The following R3HDM1 variants were observed in gnomAD, a reference collection of about 807,000 sequenced individuals.
The protein encoded by R3HDM1 is R3H domain containing 1, also known as R3H domain-containing protein 1.
R3HDM1 carries 46 observed loss-of-function variants against 141.1 expected under a neutral mutation model. The ratio of observed to expected loss-of-function variants is 0.33; its 90% CI spans 0.26 to 0.42. The LOEUF (loss-of-function observed/expected upper bound fraction) is 0.42. R3HDM1 is among the 10% of genes least tolerant of loss of function. R3HDM1 has a pLI of 1.00. For synonymous variants in R3HDM1, 435 were observed against 472.9 expected (o/e 0.92, Z 1.04); for missense variants, 1,184 against 1,368.3 (o/e 0.87, Z 2.12).
chr2:135,618,511 A>T (rs187268120), intron 5 of R3HDM1, among the ~76,000 whole-genome samples: 86 of 135,684 alleles, frequency 6.3e-4, no homozygotes, highest in African/African-American at 2.3e-3. Flanking sequence ...AGATAGCTGT[A>T]TGCATTTATT....
rs978388205 is a variant in R3HDM1 at position 135,649,855 on chromosome 2, C to T, written c.1624-47C>T. 10 of 1,075,532 alleles carry T rather than the reference C, an allele frequency of 9.3e-6. No individual in the cohort carries two copies. The East Asian group carries it at 2.2e-4, about 24-fold the overall frequency. The allele number at this position is 1,075,532 out of a possible 1,614,324, so 66.6% of individuals were successfully genotyped here. A position where few individuals can be genotyped will look rare whatever the true frequency, so the allele number is the denominator to read the frequency against. On this transcript the variant is annotated intron_variant, in intron 16 of 26. Coordinates refer to ENST00000683871, the MANE Select transcript of R3HDM1 (RefSeq NM_001378107.1). The stretch of plus-strand genomic sequence containing the variant: ...TTTCCGTTTTATGCAATTCTTCTAA[C>T]GTTTTATTCTGACATTAACATTGTT...
At chr2:135,625,924 C>T (rs2061972283) in intron 7 of R3HDM1, among the ~76,000 whole-genome samples, 1 of 152,166 alleles carries the variant, frequency 6.6e-6, no homozygotes, top group South Asian at 2.1e-4. Flanking sequence ...AATAAACCAA[C>T]AAATATGAGT....
intron 21 of R3HDM1, among the ~76,000 whole-genome samples, chr2:135,690,725 G>GTTTA (rs1280961646): frequency 5.9e-5 from 9 of 151,810 alleles, no homozygotes; most frequent in African/African-American, 2.2e-4. Context: ...TTTTTTGTTT[G>GTTTA]TTTGTTTCTT....
At chr2:135,670,157 A>AC (rs1244379057) in intron 19 of R3HDM1, 223 of 322,720 alleles carry the variant, frequency 6.9e-4, no homozygotes, top group African/African-American at 4.7e-3. Context: ...AAAAAAAAAA[A>AC]ACCAACAAAA....
At chr2:135,721,213 G>C (rs1381423800) in intron 24 of R3HDM1, among the ~76,000 whole-genome samples, 3 of 152,198 alleles carry the variant, frequency 2.0e-5, no homozygotes, top group Non-Finnish European at 4.4e-5. Context: ...GCCAAGCATG[G>C]TGGCTTGTAC....
chr2:135,594,976 C>CA (rs1218313458), intron 1 of R3HDM1, among the ~76,000 whole-genome samples: 4 of 136,410 alleles, frequency 2.9e-5, no homozygotes, highest in African/African-American at 1.3e-4. Flanking sequence ...AGGGATTCTA[C>CA]ACCCCCCCCC....
intron 1 of R3HDM1, chr2:135,590,617 G>A (rs1709040280): frequency 2.0e-6 from 2 of 985,296 alleles, no homozygotes; most frequent in Non-Finnish European, 2.4e-6. Context: ...AATTAAATTG[G>A]ACAGGTACTT....
intron 15 of R3HDM1, among the ~76,000 whole-genome samples, chr2:135,642,531 T>A (rs1166040361): frequency 2.6e-5 from 4 of 152,190 alleles, no homozygotes; most frequent in Non-Finnish European, 5.9e-5. Context: ...AAATGATTTA[T>A]ATAGAAAAAA....
In R3HDM1 at chr2:135,710,081, TG is replaced by T; in HGVS notation, c.2592del (p.Met865TrpfsTer2). ...CTAGPPPPPG[G>X]GMVMMQLSVP... ...CAGCTGGACCACCACCGCCACCTGG[TG>T]GGGGGATGGTGATGATGCAGCTCAG... is the stretch of plus-strand genomic sequence containing the variant. On this transcript the variant is annotated frameshift_variant, in exon 23 of 27. Transcript: ENST00000683871. LOFTEE classifies it high-confidence loss of function. 6.2e-7 allele frequency: 1 copy of T among 1,613,760 alleles called. No individual in the cohort carries two copies. Among genetic ancestry groups the T allele is most frequent in the Non-Finnish European group, 8.5e-7 (1 of 1,179,872 alleles).
At chr2:135,577,065 C>T in intron 1 of R3HDM1, 1 of 901,120 alleles carries the variant, frequency 1.1e-6, no homozygotes, top group Non-Finnish European at 1.3e-6. Flanking sequence ...AACCTCCAAA[C>T]AGGTTAAGAA....
At chr2:135,703,623 A>G (rs1045627551) in intron 21 of R3HDM1, among the ~76,000 whole-genome samples, 1 of 152,056 alleles carries the variant, frequency 6.6e-6, no homozygotes, top group East Asian at 1.9e-4. Flanking sequence ...AGTCAAATTC[A>G]GTTTTTTTTT....
intron 24 of R3HDM1, among the ~76,000 whole-genome samples, chr2:135,719,017 G>A (rs938053860): frequency 2.0e-5 from 3 of 152,002 alleles, no homozygotes; most frequent in East Asian, 1.9e-4. Context: ...GCATGGTGGC[G>A]CACGCCTGTA....
intron 1 of R3HDM1, chr2:135,581,066 A>G (rs1167103117): frequency 2.0e-6 from 1 of 510,754 alleles, no homozygotes; most frequent in Non-Finnish European, 2.5e-6. Context: ...TAATGCTTAT[A>G]TCTTATACTA....
intron 23 of R3HDM1, 134 bp downstream of exon 23, chr2:135,710,365 C>G (rs1356178466): frequency 2.3e-6 from 2 of 881,954 alleles, no homozygotes; most frequent in African/African-American, 1.7e-5. Flanking sequence ...TGGCTCTCCC[C>G]TGTAATCCCA....
At chr2:135,722,028 C>T in intron 25 of R3HDM1, 22 bp downstream of exon 25, 1 of 1,595,304 alleles carries the variant, frequency 6.3e-7, no homozygotes, top group South Asian at 1.1e-5. Flanking sequence ...AACTAACCTC[C>T]TAGGCTTTGT....
intron 3 of R3HDM1, among the ~76,000 whole-genome samples, chr2:135,613,419 C>G (rs1173248017): frequency 2.0e-5 from 3 of 152,094 alleles, no homozygotes; most frequent in African/African-American, 7.2e-5. Context: ...CGTGCTCCCA[C>G]CAGAGAAATG....
chr2:135,650,454 G>A, intron 17 of R3HDM1: 10 of 981,256 alleles, frequency 1.0e-5, no homozygotes, highest in South Asian at 4.7e-5. Context: ...TTTCTAAGAA[G>A]ATTTCTGGAT....
intron 1 of R3HDM1, among the ~76,000 whole-genome samples, chr2:135,569,913 A>C (rs994166898): frequency 6.6e-6 from 1 of 151,904 alleles, no homozygotes; most frequent in Non-Finnish European, 1.5e-5. Context: ...TTTTTAGTAG[A>C]GACTGGGTTT....
intron 1 of R3HDM1, among the ~76,000 whole-genome samples, chr2:135,595,193 T>C (rs1710352875): frequency 6.6e-6 from 1 of 152,214 alleles, no homozygotes; most frequent in African/African-American, 2.4e-5. Context: ...AAATCATCGT[T>C]CTGCCATCAA....
Sources: allele counts gnomAD v4.1 joint callset (sites outside exome capture counted in the v4.1 genomes callset), GRCh38; gene constraint gnomAD v4.1.1; transcripts MANE v1.5; gene names NCBI Gene and HGNC (gene_info 2026-07-23, HGNC 2026-07-21).